The following GSTK1 variants were observed in gnomAD, a reference collection of about 807,000 sequenced individuals.
The protein encoded by GSTK1 is glutathione S-transferase kappa 1, also known as GST class-kappa.
In GSTK1, 25 loss-of-function variants were observed where a neutral mutation model predicts 30.9. The ratio of observed to expected loss-of-function variants is 0.81; its 90% CI spans 0.59 to 1.13. The LOEUF is 1.13. GSTK1 is among the 50% of genes most tolerant of loss of function. The pLI is 0.00. For missense variants in GSTK1, 292 were observed against 292.4 expected (o/e 1.00, Z 0.01); for synonymous variants, 108 against 112.5 (o/e 0.96, Z 0.25).
chr7:143,268,757 G>A lies in GSTK1; in HGVS notation c.632-31G>A. ...CCTGCTGCCAGAACACCTGAGAACA[G>A]TGTGCAGAGTCTGTTGTTTTCTTCA... On this transcript the variant is annotated intron_variant, in intron 7 of 7. Transcript: ENST00000358406. The surrounding 1 kb of genome is among the most constrained non-coding windows in gnomAD (Gnocchi z 4.1). 6.2e-7 allele frequency: 1 copy of A among 1,607,638 alleles called. No individual in the cohort carries two copies. The highest frequency in any genetic ancestry group is 8.5e-7 in the Non-Finnish European group (1 of 1,174,178).
chr7:143,267,752 G>C lies in GSTK1; in HGVS notation c.537+19G>C. 4 of 1,518,174 alleles carry C rather than the reference G, an allele frequency of 2.6e-6. No individual in the cohort carries two copies. The highest frequency in any genetic ancestry group is 3.7e-6 in the Non-Finnish European group (4 of 1,093,634). The allele number at this position is 1,518,174 out of a possible 1,614,324, so 94.0% of individuals were successfully genotyped here. A position where few individuals can be genotyped will look rare whatever the true frequency, so the allele number is the denominator to read the frequency against. ...ATACGGAGTGAGCAGCTCTTTATGTGTGTTCCCAGCACCCATCCTGAAGAT... is the reference window on the plus strand; with the variant it reads ...ATACGGAGTGAGCAGCTCTTTATGTCTGTTCCCAGCACCCATCCTGAAGAT... On this transcript the variant is annotated intron_variant, in intron 6 of 7. Transcript: ENST00000358406.
rs1266979349 is a variant in GSTK1 at position 143,268,216 on chromosome 7, G to C, written c.631+32G>C. The C allele has an allele frequency of 6.5e-7, 1 of 1,537,772 alleles. No individual in the cohort carries two copies. The highest frequency in any genetic ancestry group is 9.0e-7 in the Non-Finnish European group (1 of 1,114,600). ...AAGTTAAAGAATCAACCCTGAGCCA[G>C]GTGCAGTGGCTCACGCCTGTAATCC... On this transcript the variant is annotated intron_variant, in intron 7 of 7. Transcript: ENST00000358406. The surrounding 1 kb of genome is among the most constrained non-coding windows in gnomAD (Gnocchi z 4.1).
At position 143,267,656 on chromosome 7, in the gene GSTK1, G is replaced by A. The variant is rs1303234079; in HGVS notation, c.460G>A (p.Gly154Arg). 1.1e-5 allele frequency: 18 copies of A among 1,613,998 alleles called. No homozygotes were observed. The highest frequency in any genetic ancestry group is 1.4e-5 in the Non-Finnish European group (17 of 1,180,032). Reference protein sequence around the residue: ...KAGMSAEQAQGLLEKIATPKV... With the variant: ...KAGMSAEQAQRLLEKIATPKV... ...TGGTATGTCTGCAGAACAAGCCCAG[G>A]GACTTCTGGAAAAGATCGCAACGCC... The change falls in exon 6 of 8, where the codon GGA becomes AGA. Residue 154 changes from glycine (G) to arginine (R), a missense_variant. Physicochemically the swap from Gly to Arg is moderately radical, Grantham distance 125. Coordinates refer to ENST00000358406, the MANE Select transcript of GSTK1 (RefSeq NM_015917.3).
chr7:143,267,669 A>G lies in GSTK1; in HGVS notation c.473A>G (p.Lys158Arg). 1 of 1,614,184 alleles carries G rather than the reference A, an allele frequency of 6.2e-7. No individual in the cohort carries two copies. Among genetic ancestry groups the G allele is most frequent in the Non-Finnish European group, 8.5e-7 (1 of 1,180,014 alleles). The part of the protein sequence containing the change: ...SAEQAQGLLE[K>R]IATPKVKNQL... ...GAACAAGCCCAGGGACTTCTGGAAA[A>G]GATCGCAACGCCAAAGGTGAAGAAC... The change falls in exon 6 of 8, where the codon AAG becomes AGG. Residue 158 changes from lysine to arginine, a missense_variant. Transcript: ENST00000358406.
Position 143,263,579 on chromosome 7 carries a change from C to T in GSTK1, c.66C>T (p.Gly22=). 6.2e-7 allele frequency: 1 copy of T among 1,609,218 alleles called. No homozygotes were observed. Among genetic ancestry groups the T allele is most frequent in the Admixed American group, 1.7e-5 (1 of 60,024 alleles). ...YDVLSPYSWL[G]FEILCRYQNI... ...TGCTGTCCCCCTACTCCTGGCTGGG[C>T]TTCGAGGTGACGCTGGGAGGGGTCG... Residue 22 remains glycine, a synonymous_variant, in exon 1 of 8, where the codon GGC becomes GGT. Coordinates refer to ENST00000358406, the MANE Select transcript of GSTK1 (RefSeq NM_015917.3).
chr7:143,264,129 T>TG lies in GSTK1; in HGVS notation c.117dup (p.Arg40AlafsTer30), dbSNP rs751846396. On this transcript the variant is annotated frameshift_variant, in exon 2 of 8. Coordinates refer to ENST00000358406, the MANE Select transcript of GSTK1 (RefSeq NM_015917.3). LOFTEE classifies it high-confidence loss of function. ...AATATCTGGAACATCAACCTGCAGTTGCGGCCCAGCCTCATAACAGGGATC... is the reference window on the plus strand; with the variant it reads ...AATATCTGGAACATCAACCTGCAGTTGGCGGCCCAGCCTCATAACAGGGATC... 71 of 1,613,922 alleles carry TG rather than the reference T, an allele frequency of 4.4e-5. No individual in the cohort carries two copies. Among genetic ancestry groups the TG allele is most frequent in the Non-Finnish European group, 5.8e-5 (69 of 1,180,002 alleles).
At position 143,268,203 on chromosome 7, in the gene GSTK1, C is replaced by T. The variant is rs1800938335; in HGVS notation, c.631+19C>T. 2 of 1,599,752 alleles carry T rather than the reference C, an allele frequency of 1.3e-6. No individual in the cohort carries two copies. The highest frequency in any genetic ancestry group is 4.5e-5 in the East Asian group (2 of 44,804). On this transcript the variant is annotated intron_variant, in intron 7 of 7. Coordinates refer to ENST00000358406, the MANE Select transcript of GSTK1 (RefSeq NM_015917.3). This position sits in a 1 kb window ranked among gnomAD's most constrained non-coding sequence, Gnocchi z 4.1. ...CTGCTGGGTAAGTAAGTTAAAGAAT[C>T]AACCCTGAGCCAGGTGCAGTGGCTC... is the stretch of plus-strand genomic sequence containing the variant.
At chr7:143,267,810 A>G (rs1250269766) in intron 6 of GSTK1, 77 bp downstream of exon 6, 3 of 1,012,470 alleles carry the variant, frequency 3.0e-6, no homozygotes, top group Non-Finnish European at 4.7e-6. Flanking sequence ...TTGAGTCCTT[A>G]TGCTCCTGTA....
In GSTK1 at chr7:143,268,730, C is replaced by A; in HGVS notation, c.632-58C>A. 1 of 1,532,234 alleles carries A rather than the reference C, an allele frequency of 6.5e-7. No individual in the cohort carries two copies. 94.9% of individuals were successfully genotyped at this position (1,532,234 alleles called of 1,614,324 possible). ...AACCCCTGGGACCTTGTGGGACCAA[C>A]TCCTGCTGCCAGAACACCTGAGAAC... On this transcript the variant is annotated intron_variant, in intron 7 of 7. Coordinates refer to ENST00000358406, the MANE Select transcript of GSTK1 (RefSeq NM_015917.3). This position sits in a 1 kb window ranked among gnomAD's most constrained non-coding sequence, Gnocchi z 4.1.
At chr7:143,266,599 C>T (rs1800884418) in intron 5 of GSTK1, among the ~76,000 whole-genome samples, 3 of 151,456 alleles carry the variant, frequency 2.0e-5, no homozygotes, top group African/African-American at 4.9e-5. Flanking sequence ...TTGGCGCTAA[C>T]CCTTTCCCCT....
chr7:143,264,458 C>A, intron 2 of GSTK1, 90 bp from the exon 3 acceptor site: 1 of 1,315,984 alleles, frequency 7.6e-7, no homozygotes, highest in Non-Finnish European at 1.1e-6. Flanking sequence ...AAAAAGGAAG[C>A]TGCCCTCTGC....
intron 1 of GSTK1, 160 bp from the exon 2 acceptor site, chr7:143,263,926 A>G: frequency 1.5e-6 from 1 of 647,908 alleles, no homozygotes; most frequent in Admixed American, 2.7e-5. Context: ...ATCCTGGAAT[A>G]GATTTCTAGT....
Position 143,264,075 on chromosome 7 carries a change from T to G in GSTK1, c.73-11T>G. ...TGCACACTGGCAATCGTTCTTGACC[T>G]CTGCCCGCAGATCCTGTGCCGGTAT... On this transcript the variant is annotated splice_polypyrimidine_tract_variant and intron_variant, in intron 1 of 7. Coordinates refer to ENST00000358406, the MANE Select transcript of GSTK1 (RefSeq NM_015917.3). 1 of 1,613,660 alleles carries G rather than the reference T, an allele frequency of 6.2e-7. No homozygotes were observed. The highest frequency in any genetic ancestry group is 8.5e-7 in the Non-Finnish European group (1 of 1,179,564).
chr7:143,268,920 C>G lies in GSTK1; in HGVS notation c.*83C>G, dbSNP rs1800961775. On this transcript the variant is annotated 3_prime_UTR_variant, in exon 8 of 8. Transcript: ENST00000358406. This position sits in a 1 kb window ranked among gnomAD's most constrained non-coding sequence, Gnocchi z 4.1. The stretch of plus-strand genomic sequence containing the variant: ...TTGGCTCCACCATAAGGCACTGGGA[C>G]TCGGATTTCTCTATCTGATAGAGGT... The G allele has an allele frequency of 3.5e-6, 4 of 1,127,152 alleles. No individual in the cohort carries two copies. Among genetic ancestry groups the G allele is most frequent in the Non-Finnish European group, 5.4e-6 (4 of 739,428 alleles). The allele number at this position is 1,127,152 out of a possible 1,614,324, so 69.8% of individuals were successfully genotyped here.
At chr7:143,265,114 T>A in intron 4 of GSTK1, 22 bp downstream of exon 4, 1 of 1,614,024 alleles carries the variant, frequency 6.2e-7, no homozygotes, top group African/African-American at 1.3e-5. Context: ...GCTCTGGGAA[T>A]CCTCTGGGAG....
rs149801284 is a variant in GSTK1, at chr7:143,265,232, G to A, written c.385-29G>A. On this transcript the variant is annotated intron_variant, in intron 4 of 7. Coordinates refer to ENST00000358406, the MANE Select transcript of GSTK1 (RefSeq NM_015917.3). ...CCAGTCACACCCCTCTCCCCGCACC[G>A]CCTTCCTGCTGTCTTCTCTTCTTCC... 5.1e-3 allele frequency: 8,232 copies of A among 1,604,834 alleles called. 34 individuals are homozygous for A. The highest frequency in any genetic ancestry group is 6.3e-3 in the Non-Finnish European group (7,414 of 1,175,740).
In GSTK1 at chr7:143,268,984, C is replaced by A; in HGVS notation, c.*147C>A. On this transcript the variant is annotated 3_prime_UTR_variant, in exon 8 of 8. Coordinates refer to ENST00000358406, the MANE Select transcript of GSTK1 (RefSeq NM_015917.3). This position sits in a 1 kb window ranked among gnomAD's most constrained non-coding sequence, Gnocchi z 4.1. ...CTGGGAGCTGTCTGTCTTTCCCCTACCCCCAAGGATGCCAGGAAGACGTCC... is the reference window on the plus strand; with the variant it reads ...CTGGGAGCTGTCTGTCTTTCCCCTAACCCCAAGGATGCCAGGAAGACGTCC... 2 of 711,310 alleles carry A rather than the reference C, an allele frequency of 2.8e-6. No homozygotes were observed. The highest frequency in any genetic ancestry group is 1.6e-5 in the South Asian group (1 of 62,910). 44.1% of individuals were successfully genotyped at this position (711,310 alleles called of 1,614,324 possible).
rs1318831361 is a variant in GSTK1 at position 143,268,987 on chromosome 7, C to G, written c.*150C>G. The G allele has an allele frequency of 2.6e-5, 18 of 698,002 alleles. No homozygotes were observed. The East Asian group carries it at 2.7e-4, about 11-fold the overall frequency. The allele number at this position is 698,002 out of a possible 1,614,324, so 43.2% of individuals were successfully genotyped here. ...GGAGCTGTCTGTCTTTCCCCTACCC[C>G]CAAGGATGCCAGGAAGACGTCCACC... On this transcript the variant is annotated 3_prime_UTR_variant, in exon 8 of 8. Coordinates refer to ENST00000358406, the MANE Select transcript of GSTK1 (RefSeq NM_015917.3). The surrounding 1 kb of genome is among the most constrained non-coding windows in gnomAD (Gnocchi z 4.1).
intron 3 of GSTK1, 56 bp downstream of exon 3, chr7:143,264,732 T>G (rs1011044671): frequency 6.2e-7 from 1 of 1,603,284 alleles, no homozygotes. Context: ...AAGTCGGAGA[T>G]TGAGGGATTG....
Sources: allele counts gnomAD v4.1 joint callset (sites outside exome capture counted in the v4.1 genomes callset), GRCh38; gene constraint gnomAD v4.1.1; non-coding constraint Gnocchi (gnomAD v3.1); transcripts MANE v1.5; gene names NCBI Gene and HGNC (gene_info 2026-07-23, HGNC 2026-07-21).